Variants in NUP160 observed in about 807,000 individuals in gnomAD.
The protein encoded by NUP160 is nuclear pore complex protein Nup160.
Under a neutral mutation model 196.9 loss-of-function variants are expected in NUP160, and 94 were observed. The ratio of observed to expected loss-of-function variants is 0.48; its 90% CI spans 0.40 to 0.57. The LOEUF (loss-of-function observed/expected upper bound fraction) is 0.57. Among genes scored for constraint, NUP160 ranks in the 20% least tolerant of loss-of-function variants. The pLI is 0.00. For synonymous variants in NUP160, 605 were observed against 619.7 expected, an observed-to-expected ratio of 0.98 and a Z score of 0.35; for missense variants, 1,638 against 1,748.3, an observed-to-expected ratio of 0.94 and a Z score of 1.13.
chr11:47,796,858 A>AT (rs1282130112), intron 27 of NUP160, among the ~76,000 whole-genome samples: 1 of 152,058 alleles, frequency 6.6e-6, no homozygotes, highest in Non-Finnish European at 1.5e-5. Context: ...ATGCCCGGCT[A>AT]TTTTTTGTAT....
chr11:47,808,473 T>C (rs1396182869), exon 18 of NUP160: 1 of 1,613,972 alleles, frequency 6.2e-7, no homozygotes, highest in Admixed American at 1.7e-5. Flanking sequence ...GTAGGGGAGC[T>C]GTTCGATGTA....
intron 4 of NUP160, 61 bp from the exon 5 acceptor site, chr11:47,837,684 T>C (rs1852204207): frequency 3.1e-6 from 4 of 1,280,040 alleles, no homozygotes; most frequent in African/African-American, 2.9e-5. Flanking sequence ...GCAAGAATGA[T>C]GTAACCATGA....
intron 27 of NUP160, among the ~76,000 whole-genome samples, chr11:47,795,878 G>A (rs12269897): frequency 1.5e-3 from 229 of 152,186 alleles, no homozygotes; most frequent in African/African-American, 5.3e-3. Context: ...TTGGCCAGGC[G>A]CAGTGGCTCA....
intron 17 of NUP160, 126 bp downstream of exon 17, chr11:47,811,938 G>A: frequency 2.7e-6 from 2 of 737,060 alleles, no homozygotes; most frequent in South Asian, 3.7e-5. Context: ...GGCCAAGCTT[G>A]GGAGAATAAA....
At chr11:47,843,486 G>A (rs959309427) in intron 2 of NUP160, among the ~76,000 whole-genome samples, 2 of 152,056 alleles carry the variant, frequency 1.3e-5, no homozygotes, top group Admixed American at 1.3e-4. Flanking sequence ...TTGTTGGTTC[G>A]TCATTTTTCT....
intron 11 of NUP160, among the ~76,000 whole-genome samples, chr11:47,816,498 G>C (rs1303143919): frequency 2.0e-5 from 3 of 152,202 alleles, no homozygotes; most frequent in African/African-American, 7.2e-5. Context: ...ATGCAAGCTG[G>C]GTGTGGTGGC....
intron 7 of NUP160, among the ~76,000 whole-genome samples, chr11:47,829,202 T>C (rs1419550768): frequency 6.6e-6 from 1 of 152,158 alleles, no homozygotes; most frequent in African/African-American, 2.4e-5. Context: ...TAAATCTGAT[T>C]AGAGATTTAG....
intron 11 of NUP160, 77 bp downstream of exon 11, chr11:47,817,979 C>A (rs1182122286): frequency 3.7e-6 from 3 of 814,512 alleles, no homozygotes; most frequent in African/African-American, 1.7e-5. Flanking sequence ...TTAATATATG[C>A]AAAAACTTAA....
chr11:47,809,256 CAA>C (rs35748617), intron 17 of NUP160, among the ~76,000 whole-genome samples: 6 of 94,746 alleles, frequency 6.3e-5, no homozygotes, highest in African/African-American at 1.8e-4. Flanking sequence ...GAACTTGTCT[CAA>C]AAAAAAAAAA....
intron 6 of NUP160, 58 bp downstream of exon 6, chr11:47,836,829 A>G: frequency 9.2e-7 from 1 of 1,081,700 alleles, no homozygotes; most frequent in African/African-American, 1.6e-5. Flanking sequence ...AATTTACTTC[A>G]ATTCTCATGA....
In NUP160 at chr11:47,783,643, G is replaced by A. The variant is rs948698043; in HGVS notation, c.3991-445C>T. Among the ~76,000 whole-genome samples, 4 of 152,170 alleles carry A rather than the reference G, an allele frequency of 2.6e-5. No individual in the cohort carries two copies. The South Asian group carries it at 8.3e-4, about 32-fold the overall frequency. Reference sequence around the variant, plus strand: ...AAATCTGAAGTCTCTATTTGGAAGAGCTCTATTAATTAAGCATGCTTTCTA... The same window carrying A: ...AAATCTGAAGTCTCTATTTGGAAGAACTCTATTAATTAAGCATGCTTTCTA... On this transcript the variant is annotated intron_variant, in intron 33 of 35. Coordinates refer to ENST00000378460, the Ensembl canonical transcript of NUP160.
rs1464886393 is a variant in NUP160 at position 47,782,484 on chromosome 11, T to C, written c.4116+589A>G. Among the ~76,000 whole-genome samples the C allele has an allele frequency of 2.0e-5, 3 of 150,826 alleles. No homozygotes were observed. The South Asian group carries it at 6.2e-4, about 31-fold the overall frequency. On this transcript the variant is annotated intron_variant, in intron 34 of 35. Transcript: ENST00000378460. ...ACCTAATGAACATCACGGCTTAGCCTAGCCTACTTAACCATGCTCAGGACA... is the reference window on the plus strand; with the variant it reads ...ACCTAATGAACATCACGGCTTAGCCCAGCCTACTTAACCATGCTCAGGACA...
At chr11:47,805,444 T>C (rs973021165) in intron 20 of NUP160, among the ~76,000 whole-genome samples, 3 of 100,896 alleles carry the variant, frequency 3.0e-5, no homozygotes, top group African/African-American at 1.1e-4. Context: ...AAATGAATAA[T>C]GTCTTTTTTT....
intron 7 of NUP160, among the ~76,000 whole-genome samples, chr11:47,832,473 C>T (rs1170949044): frequency 6.6e-6 from 1 of 152,192 alleles, no homozygotes; most frequent in Non-Finnish European, 1.5e-5. Flanking sequence ...CATTGTAGCA[C>T]CTTACACTGG....
intron 11 of NUP160, 93 bp from the exon 12 acceptor site, chr11:47,816,122 A>G: frequency 1.2e-6 from 1 of 813,824 alleles, no homozygotes; most frequent in Admixed American, 2.4e-5. Context: ...ATATAAAACT[A>G]TATAATAGAG....
chr11:47,781,116 G>A (rs1024365692), intron 34 of NUP160, among the ~76,000 whole-genome samples: 3 of 151,816 alleles, frequency 2.0e-5, no homozygotes, highest in Admixed American at 6.6e-5. Context: ...CCAGCTGCTC[G>A]GGAGGCTGAG....
exon 4 of NUP160, chr11:47,840,058 A>G: frequency 1.2e-6 from 2 of 1,607,896 alleles, no homozygotes; most frequent in Non-Finnish European, 1.7e-6. Flanking sequence ...ACTGTCAACT[A>G]CCAACTCCTG....
chr11:47,809,429 A>G (rs1416184349), intron 17 of NUP160, among the ~76,000 whole-genome samples: 3 of 151,916 alleles, frequency 2.0e-5, no homozygotes, highest in Non-Finnish European at 4.4e-5. Context: ...AGTTTTTAGA[A>G]CTTATTCTAG....
intron 2 of NUP160, among the ~76,000 whole-genome samples, chr11:47,843,818 C>T (rs888309005): frequency 3.3e-5 from 5 of 152,160 alleles, no homozygotes; most frequent in Non-Finnish European, 5.9e-5. Flanking sequence ...GCTTTAAGCA[C>T]GATCTAATGC....
Sources: gnomAD v4.1 joint callset for allele counts (sites outside exome capture counted in the v4.1 genomes callset) on GRCh38, gnomAD v4.1.1 for gene constraint, MANE v1.5 for transcripts, NCBI Gene and HGNC (gene_info 2026-07-23, HGNC 2026-07-21) for gene names.